Variants in ESRRG observed in about 807,000 individuals in gnomAD.
ESRRG encodes estrogen-related receptor gamma.
A neutral mutation model predicts 44.0 loss-of-function variants in ESRRG; 13 were observed. That is an observed-to-expected ratio of 0.30 (90% CI 0.19 to 0.47). The LOEUF is 0.47. Among genes scored for constraint, ESRRG ranks in the 20% least tolerant of loss-of-function variants. ESRRG has a pLI of 1.00. For missense variants in ESRRG, 395 were observed against 580.6 expected, an observed-to-expected ratio of 0.68 and a Z score of 3.29; for synonymous variants, 215 against 214.6, an observed-to-expected ratio of 1.00 and a Z score of -0.02.
In ESRRG at chr1:217,084,997, T is replaced by C. The variant is rs534580772; in HGVS notation, c.-106+4510A>G. On this transcript the variant is annotated intron_variant, in intron 1 of 7. Transcript: ENST00000359162. ...AATATTATAAATATACTAATAAACA[T>C]CTGTATATGGTATACATGTCCAAGA... 2.0e-5 allele frequency among the ~76,000 whole-genome samples: 3 copies of C among 152,228 alleles called. No individual in the cohort carries two copies. The East Asian group carries it at 5.8e-4, about 29-fold the overall frequency.
In ESRRG at chr1:216,640,202, A is replaced by G. The variant is rs373737237; in HGVS notation, c.589+10771T>C. ...GCCGCACTGGCTCTCAAAAAGCACA[A>G]TCTGCCATTCACTTAAGTCTGGTTT... On this transcript the variant is annotated intron_variant, in intron 3 of 6. Transcript: ENST00000408911. Among the ~76,000 whole-genome samples, 25 of 152,266 alleles carry G rather than the reference A, an allele frequency of 1.6e-4. 1 individual carries two copies. In the South Asian group the frequency reaches 4.6e-3, roughly 28 times the overall value.
At chr1:216,509,318 A>C (rs1176124308) in intron 6 of ESRRG, among the ~76,000 whole-genome samples, 1 of 152,222 alleles carries the variant, frequency 6.6e-6, no homozygotes, top group Non-Finnish European at 1.5e-5. Context: ...TGCCAGTTGT[A>C]TGAAAAGTAT....
intron 1 of ESRRG, among the ~76,000 whole-genome samples, chr1:216,986,431 G>A (rs1404005469): frequency 2.6e-5 from 4 of 152,078 alleles, no homozygotes; most frequent in Admixed American, 6.6e-5. Context: ...GAGAAGGTTT[G>A]AGGCCGGCAT....
intron 2 of ESRRG, among the ~76,000 whole-genome samples, chr1:216,792,854 A>G (rs933002930): frequency 1.3e-5 from 2 of 152,162 alleles, no homozygotes; most frequent in Admixed American, 6.6e-5. Context: ...CTCATTCAAT[A>G]TAGCTTTTCA....
intron 2 of ESRRG, among the ~76,000 whole-genome samples, chr1:216,782,481 A>G (rs954641161): frequency 1.4e-4 from 21 of 152,132 alleles, no homozygotes; most frequent in African/African-American, 5.1e-4. Context: ...AAACTAAAAA[A>G]TTCAAGCCTC....
chr1:216,896,275 G>A (rs1577822792), intron 2 of ESRRG, among the ~76,000 whole-genome samples: 1 of 152,202 alleles, frequency 6.6e-6, no homozygotes, highest in Admixed American at 6.5e-5. Context: ...GTGATTCAGG[G>A]CCATTGCAAT....
chr1:217,022,328 C>T (rs922614007), intron 1 of ESRRG, among the ~76,000 whole-genome samples: 3 of 152,118 alleles, frequency 2.0e-5, no homozygotes, highest in Admixed American at 6.5e-5. Flanking sequence ...CCAAAATAGG[C>T]GGGTGGAAGG....
intron 1 of ESRRG, among the ~76,000 whole-genome samples, chr1:217,021,244 T>C (rs2080272389): frequency 6.6e-6 from 1 of 152,172 alleles, no homozygotes; most frequent in African/African-American, 2.4e-5. Context: ...GTAGAGTGGA[T>C]GGTTCATGGT....
intron 1 of ESRRG, among the ~76,000 whole-genome samples, chr1:217,026,910 CACAGAGAGAGAGAGAG>C (rs1311753388): frequency 5.1e-5 from 5 of 97,256 alleles, no homozygotes; most frequent in East Asian, 5.9e-4. Context: ...CACACACACA[CACAGAGAGAGAGAGAG>C]AGAGAGAGAG....
chr1:216,962,634 C>T (rs758343138), intron 1 of ESRRG, among the ~76,000 whole-genome samples: 115 of 151,848 alleles, frequency 7.6e-4, no homozygotes, highest in Non-Finnish European at 1.1e-3. Context: ...CACTGCTAGG[C>T]TAACAAATCT....
intron 1 of ESRRG, among the ~76,000 whole-genome samples, chr1:217,103,863 G>A (rs193034664): frequency 1.1e-4 from 16 of 152,182 alleles, no homozygotes; most frequent in African/African-American, 3.9e-4. Context: ...TTGAGAAACA[G>A]CAAGCAGACT....
chr1:217,077,553 T>C (rs1013296313), intron 1 of ESRRG, among the ~76,000 whole-genome samples: 2 of 152,172 alleles, frequency 1.3e-5, no homozygotes, highest in Non-Finnish European at 2.9e-5. Context: ...TCTTAGAATC[T>C]AGGTAGTGGC....
At chr1:216,959,566 A>G (rs2068631726) in intron 1 of ESRRG, 2 of 152,156 alleles carry the variant, frequency 1.3e-5, no homozygotes, top group Admixed American at 1.3e-4. Context: ...ACACACCTGT[A>G]GTCTCAGCTG....
chr1:216,623,803 T>A (rs1482542547), intron 3 of ESRRG, among the ~76,000 whole-genome samples: 1 of 151,874 alleles, frequency 6.6e-6, no homozygotes, highest in Non-Finnish European at 1.5e-5. Flanking sequence ...GGAATGGGCA[T>A]GAAAGGAAAA....
chr1:216,601,188 G>A (rs1401084526), intron 3 of ESRRG, among the ~76,000 whole-genome samples: 1 of 152,064 alleles, frequency 6.6e-6, no homozygotes, highest in Non-Finnish European at 1.5e-5. Flanking sequence ...TCGGCCAGGG[G>A]CTCTGCTCGC....
intron 1 of ESRRG, among the ~76,000 whole-genome samples, chr1:216,963,727 C>T (rs2069641872): frequency 6.6e-6 from 1 of 152,116 alleles, no homozygotes; most frequent in Non-Finnish European, 1.5e-5. Flanking sequence ...TGATGCCTTC[C>T]ATAAGGGACA....
At chr1:216,571,320 G>C (rs952708401) in intron 3 of ESRRG, among the ~76,000 whole-genome samples, 6 of 152,102 alleles carry the variant, frequency 3.9e-5, no homozygotes, top group Admixed American at 6.6e-5. Context: ...GTGGGCACCT[G>C]TAATCCCAGG....
intron 1 of ESRRG, among the ~76,000 whole-genome samples, chr1:216,710,701 A>G (rs1166134007): frequency 6.6e-6 from 1 of 152,176 alleles, no homozygotes; most frequent in East Asian, 1.9e-4. Context: ...CAGAGAATAA[A>G]TATATTCTGC....
chr1:217,061,219 C>T (rs559436390), intron 1 of ESRRG, among the ~76,000 whole-genome samples: 1 of 152,118 alleles, frequency 6.6e-6, no homozygotes, highest in African/African-American at 2.4e-5. Context: ...ATAAAACAAC[C>T]TCCCTATCAC....
Sources: allele counts gnomAD v4.1 joint callset (sites outside exome capture counted in the v4.1 genomes callset), GRCh38; gene constraint gnomAD v4.1.1; transcripts MANE v1.5; gene names NCBI Gene and HGNC (gene_info 2026-07-23, HGNC 2026-07-21).